CHRM3: variants seen among roughly 807,000 people sequenced by gnomAD.
CHRM3 encodes the protein cholinergic receptor muscarinic 3.
A neutral mutation model predicts 41.8 loss-of-function variants in CHRM3; 11 were observed. That is an observed-to-expected ratio of 0.26 (90% CI 0.17 to 0.44). CHRM3 has a LOEUF of 0.44. Ranked by LOEUF, CHRM3 falls within the 20% of genes least tolerant of loss-of-function variation. The pLI, the probability that CHRM3 is intolerant of heterozygous loss-of-function variation, is 1.00. For missense variants in CHRM3, 571 were observed against 745.4 expected, an observed-to-expected ratio of 0.77 and a Z score of 2.72; for synonymous variants, 297 against 301.4, an observed-to-expected ratio of 0.99 and a Z score of 0.15.
chr1:239,813,916 C>CAAAAAAAAAAAAAAAAAAAAAAAAAAA (rs67147618), intron 5 of CHRM3, among the ~76,000 whole-genome samples: 1 of 103,244 alleles, frequency 9.7e-6, no homozygotes, highest in African/African-American at 5.1e-5. Context: ...GACTCCGTCT[C>CAAAAAAAAAAAAAAAAAAAAAAAAAAA]AAAAAAAAAA....
chr1:239,766,390 A>G (rs1558525806), intron 5 of CHRM3, among the ~76,000 whole-genome samples: 3 of 152,180 alleles, frequency 2.0e-5, no homozygotes, highest in Non-Finnish European at 4.4e-5. Context: ...GTAAATAAAT[A>G]CAAGGAGAGG....
At chr1:239,428,487 C>A (rs1184608139) in intron 1 of CHRM3, among the ~76,000 whole-genome samples, 1 of 152,052 alleles carries the variant, frequency 6.6e-6, no homozygotes. Context: ...GGGGAACAAC[C>A]CTATGGAGTA....
intron 5 of CHRM3, among the ~76,000 whole-genome samples, chr1:239,695,520 C>T (rs1660103236): frequency 6.6e-6 from 1 of 151,932 alleles, no homozygotes; most frequent in Non-Finnish European, 1.5e-5. Context: ...CTTGAGGGGC[C>T]AGTGATTAAA....
At chr1:239,490,744 TTATTTATTTTA>T (rs948967178) in intron 1 of CHRM3, among the ~76,000 whole-genome samples, 9 of 151,874 alleles carry the variant, frequency 5.9e-5, no homozygotes, top group African/African-American at 2.2e-4. Flanking sequence ...TATTTATTAT[TTATTTATTTTA>T]TATTTATTTG....
Position 239,538,392 on chromosome 1 carries a change from C to T in CHRM3, c.-421-7249C>T, listed in dbSNP as rs1658413390. Among the ~76,000 whole-genome samples the T allele has an allele frequency of 3.3e-5, 5 of 152,254 alleles. No homozygotes were observed. In the South Asian group the frequency reaches 1.0e-3, roughly 32 times the overall value. ...CCTCCTCTCTGCATTAGCTAAACTC[C>T]ACCTCACCCCTCTATCAAACAGCTT... is the stretch of plus-strand genomic sequence containing the variant. On this transcript the variant is annotated intron_variant, in intron 2 of 6. Transcript: ENST00000676153.
chr1:239,777,777 A>C (rs1313757136), intron 5 of CHRM3, among the ~76,000 whole-genome samples: 1 of 152,124 alleles, frequency 6.6e-6, no homozygotes, highest in Non-Finnish European at 1.5e-5. Context: ...AAGGTTTAAA[A>C]CCTATTCTAG....
In CHRM3 at chr1:239,422,396, T is replaced by C. The variant is rs138325679; in HGVS notation, c.-521+35169T>C. On this transcript the variant is annotated intron_variant, in intron 1 of 6. Transcript: ENST00000676153. ...TCCTTTTATTTTTTGTCTTTTTTTC[T>C]AGTTTACCTTGTTTCCTCAGAACAA... 5.3e-3 allele frequency among the ~76,000 whole-genome samples: 813 copies of C among 152,334 alleles called. 4 individuals carry two copies. Among genetic ancestry groups the C allele is most frequent in the Non-Finnish European group, 9.3e-3 (636 of 68,028 alleles).
chr1:239,871,884 G>A (rs1430129350), intron 6 of CHRM3, among the ~76,000 whole-genome samples: 1 of 152,144 alleles, frequency 6.6e-6, no homozygotes, highest in Non-Finnish European at 1.5e-5. Context: ...ATTTTTAGCT[G>A]GGGTTCAAGA....
At chr1:239,829,342 C>T (rs1466464022) in intron 6 of CHRM3, among the ~76,000 whole-genome samples, 1 of 151,790 alleles carries the variant, frequency 6.6e-6, no homozygotes, top group African/African-American at 2.4e-5. Context: ...AAGATTTTCC[C>T]AGTTGGTACA....
chr1:239,615,997 T>C (rs1301902536), intron 3 of CHRM3, among the ~76,000 whole-genome samples: 1 of 152,206 alleles, frequency 6.6e-6, no homozygotes, highest in Non-Finnish European at 1.5e-5. Flanking sequence ...TACTTTTGCC[T>C]CTATCGTTGT....
intron 5 of CHRM3, among the ~76,000 whole-genome samples, chr1:239,813,558 T>C (rs1331580169): frequency 6.6e-6 from 1 of 152,060 alleles, no homozygotes; most frequent in Non-Finnish European, 1.5e-5. Flanking sequence ...TCTACTCCCC[T>C]AGTCTTCTCC....
chr1:239,760,214 C>T (rs531306365), intron 5 of CHRM3, among the ~76,000 whole-genome samples: 8 of 151,974 alleles, frequency 5.3e-5, no homozygotes, highest in Admixed American at 4.6e-4. Context: ...CGTGAGCCAC[C>T]GTGCCCGGCC....
At chr1:239,395,929 G>T (rs1368313658) in intron 1 of CHRM3, among the ~76,000 whole-genome samples, 1 of 152,052 alleles carries the variant, frequency 6.6e-6, no homozygotes, top group Admixed American at 6.6e-5. Context: ...TAAATGTCTC[G>T]CATCAGCTTC....
At chr1:239,453,578 A>T (rs900305959) in intron 1 of CHRM3, among the ~76,000 whole-genome samples, 1 of 152,214 alleles carries the variant, frequency 6.6e-6, no homozygotes, top group Non-Finnish European at 1.5e-5. Context: ...TACAATTAAC[A>T]TGGATATATT....
At chr1:239,429,246 A>G (rs1662633487) in intron 1 of CHRM3, among the ~76,000 whole-genome samples, 1 of 152,184 alleles carries the variant, frequency 6.6e-6, no homozygotes, top group Admixed American at 6.5e-5. Context: ...AAAATCTAGT[A>G]ATTTTTATTT....
At chr1:239,619,843 G>A (rs1668162130) in intron 3 of CHRM3, among the ~76,000 whole-genome samples, 1 of 152,038 alleles carries the variant, frequency 6.6e-6, no homozygotes, top group Admixed American at 6.6e-5. Context: ...TCAGGGTGGG[G>A]GTGGAGGGAG....
intron 1 of CHRM3, among the ~76,000 whole-genome samples, chr1:239,484,091 G>C (rs573021985): frequency 2.6e-4 from 40 of 152,182 alleles, no homozygotes; most frequent in African/African-American, 8.4e-4. Context: ...GGATGTATTC[G>C]TTCTTTCTTG....
chr1:239,893,635 G>GGACAGAAGT (rs1678731721), intron 6 of CHRM3, among the ~76,000 whole-genome samples: 1 of 151,454 alleles, frequency 6.6e-6, no homozygotes, highest in Non-Finnish European at 1.5e-5. Context: ...GTTCCTTGAA[G>GGACAGAAGT]GACAGAAGTG....
At chr1:239,639,513 G>C (rs898296285) in intron 4 of CHRM3, among the ~76,000 whole-genome samples, 1 of 152,076 alleles carries the variant, frequency 6.6e-6, no homozygotes, top group Middle Eastern at 3.4e-3. Context: ...GTATTTTATT[G>C]TCTTTGAATC....
Sources: gnomAD v4.1 joint callset for allele counts (sites outside exome capture counted in the v4.1 genomes callset) on GRCh38, gnomAD v4.1.1 for gene constraint, MANE v1.5 for transcripts, NCBI Gene and HGNC (gene_info 2026-07-23, HGNC 2026-07-21) for gene names.